The following EVC2 variants were observed in gnomAD, a reference collection of about 807,000 sequenced individuals.
EVC2 encodes the protein EvC ciliary complex subunit 2, also known as limbin.
In EVC2, 148 loss-of-function variants were observed where a neutral mutation model predicts 149.3. The observed-to-expected ratio is 0.99, with a 90% CI of 0.87 to 1.14. The LOEUF (loss-of-function observed/expected upper bound fraction) is 1.14, where lower values mean the gene tolerates loss of function less well. EVC2 is among the 50% of genes most tolerant of loss of function. EVC2 has a pLI of 0.00. For synonymous variants in EVC2, 776 were observed against 649.9 expected, an observed-to-expected ratio of 1.19 and a Z score of -2.95; for missense variants, 1,854 against 1,627.3, an observed-to-expected ratio of 1.14 and a Z score of -2.40.
intron 17 of EVC2, among the ~76,000 whole-genome samples, chr4:5,580,493 C>A (rs73061736): frequency 0.15 from 22,363 of 152,146 alleles, 3,618 homozygotes; most frequent in African/African-American, 0.4. Context: ...CTCAAGTAAA[C>A]AGCACAACTA....
intron 7 of EVC2, among the ~76,000 whole-genome samples, chr4:5,668,196 A>C (rs1215643751): frequency 6.6e-6 from 1 of 152,228 alleles, no homozygotes; most frequent in Non-Finnish European, 1.5e-5. Flanking sequence ...TTGCAGCCAC[A>C]GTGCAGATTG....
intron 17 of EVC2, among the ~76,000 whole-genome samples, chr4:5,583,900 C>A (rs548528570): frequency 6.6e-6 from 1 of 151,502 alleles, no homozygotes; most frequent in East Asian, 1.9e-4. Flanking sequence ...CTGTCTCACC[C>A]AGGCTGGAGT....
intron 11 of EVC2, among the ~76,000 whole-genome samples, chr4:5,629,176 A>T (rs1577179841): frequency 6.6e-6 from 1 of 152,330 alleles, no homozygotes; most frequent in South Asian, 2.1e-4. Flanking sequence ...ATGGGCACAA[A>T]GAAAGCAAGA....
intron 7 of EVC2, among the ~76,000 whole-genome samples, chr4:5,680,237 G>A (rs1033139954): frequency 1.8e-4 from 28 of 152,264 alleles, no homozygotes; most frequent in Admixed American, 5.2e-4. Flanking sequence ...ACAATAAAAA[G>A]TATGTATAGT....
At chr4:5,619,926 C>T (rs1421295118) in intron 14 of EVC2, among the ~76,000 whole-genome samples, 5 of 152,214 alleles carry the variant, frequency 3.3e-5, no homozygotes, top group African/African-American at 1.2e-4. Flanking sequence ...TTGACCGATG[C>T]TTTAAAATTC....
chr4:5,552,918 C>T (rs758619716), intron 21 of EVC2, among the ~76,000 whole-genome samples: 8 of 152,266 alleles, frequency 5.3e-5, no homozygotes, highest in Admixed American at 2.0e-4. Flanking sequence ...AAAAGAGGCA[C>T]GATACAGTAG....
At chr4:5,589,837 T>A (rs1184263155) in intron 16 of EVC2, among the ~76,000 whole-genome samples, 1 of 152,234 alleles carries the variant, frequency 6.6e-6, no homozygotes, top group African/African-American at 2.4e-5. Context: ...AATAATCTAA[T>A]ACTGTTAAGT....
chr4:5,611,839 G>C (rs1714844979), intron 16 of EVC2, among the ~76,000 whole-genome samples: 1 of 152,182 alleles, frequency 6.6e-6, no homozygotes. Context: ...TATAGGGCCT[G>C]AGTCATGTGA....
upstream of EVC2, chr4:5,708,690 AG>A: frequency 2.1e-6 from 1 of 486,736 alleles, no homozygotes; most frequent in South Asian, 4.2e-5. Flanking sequence ...CGGGCGTGGG[AG>A]GGGGAGAGCG....
Position 5,694,486 on chromosome 4 carries a change from C to T in EVC2, c.299G>A (p.Gly100Glu), listed in dbSNP as rs886059493. 6.2e-7 allele frequency: 1 copy of T among 1,614,158 alleles called. No homozygotes were observed. The highest frequency in any genetic ancestry group is 8.5e-7 in the Non-Finnish European group (1 of 1,180,030). ...HFKTAVEAPL[G>E]MKLDKKMEVF... The stretch of plus-strand genomic sequence containing the variant: ...TTCCATTTTCTTGTCCAATTTCATT[C>T]CAAGTGGTGCTTCCACTGCAAAACA... Residue 100 changes from glycine to glutamate, a missense_variant, in exon 3 of 22, where the codon GGA becomes GAA. Transcript: ENST00000344408.
At chr4:5,638,843 G>A (rs575947384) in intron 10 of EVC2, among the ~76,000 whole-genome samples, 3 of 152,016 alleles carry the variant, frequency 2.0e-5, no homozygotes, top group Non-Finnish European at 4.4e-5. Flanking sequence ...AGGAACACCC[G>A]GAGCCACCAG....
intron 9 of EVC2, among the ~76,000 whole-genome samples, chr4:5,647,637 A>C (rs1455870156): frequency 6.6e-6 from 1 of 152,242 alleles, no homozygotes; most frequent in Non-Finnish European, 1.5e-5. Context: ...CTCAGAAAAC[A>C]AAATCCCTTC....
At chr4:5,548,366 A>G (rs933688670) in intron 21 of EVC2, among the ~76,000 whole-genome samples, 2 of 149,116 alleles carry the variant, frequency 1.3e-5, no homozygotes, top group African/African-American at 5.0e-5. Context: ...CCTTGAAACC[A>G]TGAGACAACC....
chr4:5,645,180 G>T (rs1350690682), intron 9 of EVC2, among the ~76,000 whole-genome samples: 2 of 151,800 alleles, frequency 1.3e-5, no homozygotes, highest in Admixed American at 1.3e-4. Context: ...ATAGGTTCAA[G>T]TGGTGCCAAC....
chr4:5,622,407 T>C lies in EVC2; in HGVS notation c.2501+130A>G. On this transcript the variant is annotated intron_variant, in intron 14 of 21. Coordinates refer to ENST00000344408, the MANE Select transcript of EVC2 (RefSeq NM_147127.5). This position sits in a 1 kb window ranked among gnomAD's most constrained non-coding sequence, Gnocchi z 5.8. ...CGGGGCGTTGAGTTTATATGACTAA[T>C]TAACGCTGGTAATCTCATCTGTCTG... 2 of 1,081,230 alleles carry C rather than the reference T, an allele frequency of 1.8e-6. No homozygotes were observed. The highest frequency in any genetic ancestry group is 2.0e-5 in the Admixed American group (1 of 49,724). 67.0% of individuals were successfully genotyped at this position (1,081,230 alleles called of 1,614,324 possible).
intron 16 of EVC2, among the ~76,000 whole-genome samples, chr4:5,607,554 T>G (rs1300416012): frequency 6.6e-6 from 1 of 152,194 alleles, no homozygotes; most frequent in Non-Finnish European, 1.5e-5. Context: ...GATAGCTACC[T>G]GTGACCAGAG....
chr4:5,561,512 C>T (rs1416084624), downstream of EVC2, among the ~76,000 whole-genome samples: 1 of 152,224 alleles, frequency 6.6e-6, no homozygotes, highest in East Asian at 1.9e-4. Flanking sequence ...AAACGGTGCA[C>T]AGCTGCTGTC....
intron 21 of EVC2, among the ~76,000 whole-genome samples, chr4:5,544,044 A>G (rs1056272338): frequency 3.3e-5 from 5 of 152,158 alleles, no homozygotes; most frequent in Non-Finnish European, 1.5e-5. Context: ...CCAGGTGCTC[A>G]CGCGGTGGAA....
At chr4:5,584,543 G>C in intron 17 of EVC2, 80 bp downstream of exon 17, 3 of 1,427,750 alleles carry the variant, frequency 2.1e-6, no homozygotes, top group African/African-American at 2.8e-5. Flanking sequence ...GTTGCAGCCT[G>C]TTTCATAGAG....
Sources: allele counts gnomAD v4.1 joint callset (sites outside exome capture counted in the v4.1 genomes callset), GRCh38; gene constraint gnomAD v4.1.1; non-coding constraint Gnocchi (gnomAD v3.1); transcripts MANE v1.5; gene names NCBI Gene and HGNC (gene_info 2026-07-23, HGNC 2026-07-21).